The following CHN1 variants were observed in gnomAD, a reference collection of about 807,000 sequenced individuals.
The protein encoded by CHN1 is N-chimaerin.
CHN1 carries 37 observed loss-of-function variants against 59.5 expected under a neutral mutation model. The observed-to-expected ratio is 0.62, with a 90% CI of 0.48 to 0.82. The LOEUF (loss-of-function observed/expected upper bound fraction) is 0.82, where lower values mean the gene tolerates loss of function less well. CHN1 is among the 40% of genes least tolerant of loss of function. The pLI is 0.00. For synonymous variants in CHN1, 206 were observed against 200.4 expected, an observed-to-expected ratio of 1.03 and a Z score of -0.24; for missense variants, 469 against 571.0, an observed-to-expected ratio of 0.82 and a Z score of 1.82.
intron 1 of CHN1, among the ~76,000 whole-genome samples, chr2:174,970,334 G>C (rs1022755764): frequency 2.6e-5 from 4 of 152,132 alleles, no homozygotes; most frequent in Non-Finnish European, 2.9e-5. Flanking sequence ...CACAAACTAT[G>C]ACTAATCAGA....
At chr2:174,957,535 T>G (rs1303599395) in intron 1 of CHN1, among the ~76,000 whole-genome samples, 1 of 151,766 alleles carries the variant, frequency 6.6e-6, no homozygotes, top group Non-Finnish European at 1.5e-5. Context: ...AGAAAAAATT[T>G]GCCTGTAAGC....
chr2:174,967,008 G>C lies in CHN1; in HGVS notation c.20-14806C>G, dbSNP rs986740397. ...CCAGAAAATAGAATGCGCAAAACTC[G>C]ATAACGACAATAAAGTAGATCCTTC... On this transcript the variant is annotated intron_variant, in intron 1 of 12. Coordinates refer to ENST00000409900, the MANE Select transcript of CHN1 (RefSeq NM_001822.7). Among the ~76,000 whole-genome samples the C allele has an allele frequency of 2.0e-5, 3 of 152,008 alleles. No individual in the cohort carries two copies. The East Asian group carries it at 5.8e-4, about 29-fold the overall frequency.
intron 1 of CHN1, among the ~76,000 whole-genome samples, chr2:174,952,759 C>T (rs982229866): frequency 6.6e-6 from 1 of 152,182 alleles, no homozygotes; most frequent in African/African-American, 2.4e-5. Flanking sequence ...ATGAGAAACA[C>T]TTCAATGGAA....
chr2:174,923,122 C>T (rs1027742905), intron 3 of CHN1, among the ~76,000 whole-genome samples: 31 of 151,926 alleles, frequency 2.0e-4, no homozygotes, highest in Admixed American at 1.6e-3. Context: ...TACCTAATAT[C>T]GCCTTTAACA....
At position 174,895,194 on chromosome 2, in the gene CHN1, G is replaced by GTA. The variant is rs1406449336; in HGVS notation, c.261-17067_261-17066insTA. On this transcript the variant is annotated intron_variant, in intron 5 of 12. Coordinates refer to ENST00000409900, the MANE Select transcript of CHN1 (RefSeq NM_001822.7). ...TATATAGGAGTATATATATGTGTGT[G>GTA]TGTGTATATATATATATATACACAC... Among the ~76,000 whole-genome samples the GTA allele has an allele frequency of 1.4e-3, 161 of 117,098 alleles. 1 individual carries two copies. Among genetic ancestry groups the GTA allele is most frequent in the Middle Eastern group, 4.4e-3 (1 of 226 alleles). The allele number at this position is 117,098 out of a possible 152,430, so 76.8% of individuals were successfully genotyped here. A position where few individuals can be genotyped will look rare whatever the true frequency, so the allele number is the denominator to read the frequency against.
At chr2:174,924,934 A>G (rs1459725433) in intron 3 of CHN1, among the ~76,000 whole-genome samples, 1 of 152,220 alleles carries the variant, frequency 6.6e-6, no homozygotes, top group African/African-American at 2.4e-5. Flanking sequence ...ACTTGTATTG[A>G]ATTACATGCT....
rs1684726923 is a variant in CHN1, at chr2:174,801,726, G to T, written c.1189C>A (p.Leu397Ile). 2 of 1,613,158 alleles carry T rather than the reference G, an allele frequency of 1.2e-6. No homozygotes were observed. The highest frequency in any genetic ancestry group is 1.7e-5 in the Admixed American group (1 of 59,996). ...PPAHCETLRY[L>I]MAHLKRVTLH... ...GCTTGCCTCTTTAGATGTGCCATGA[G>T]GTACCGGAGGGTTTCGCAGTGAGCA... is the stretch of plus-strand genomic sequence containing the variant. The change falls in exon 12 of 13, where the codon CTC becomes ATC. Residue 397 changes from leucine to isoleucine, a missense_variant. Leu to Ile is a conservative substitution (Grantham distance 5, BLOSUM62 2). Around this residue, in one of 5 missense-constraint regions of CHN1, gnomAD observed 225 missense variants for 289.9 expected, o/e 0.78. Coordinates refer to ENST00000409900, the MANE Select transcript of CHN1 (RefSeq NM_001822.7).
intron 8 of CHN1, among the ~76,000 whole-genome samples, chr2:174,815,408 TTC>T (rs1214692256): frequency 1.3e-5 from 2 of 152,252 alleles, no homozygotes; most frequent in African/African-American, 4.8e-5. Context: ...AATACATATT[TTC>T]TCTTTGTTGT....
intron 1 of CHN1, among the ~76,000 whole-genome samples, chr2:174,981,813 T>C (rs997995254): frequency 8.5e-5 from 13 of 152,320 alleles, no homozygotes; most frequent in South Asian, 2.1e-4. Flanking sequence ...TTTATTATTA[T>C]ACTTTAAGTT....
At chr2:174,871,785 C>A (rs1337376042) in intron 6 of CHN1, among the ~76,000 whole-genome samples, 1 of 152,140 alleles carries the variant, frequency 6.6e-6, no homozygotes, top group African/African-American at 2.4e-5. Flanking sequence ...AATAATGAAA[C>A]ATTAAAATGT....
chr2:174,920,706 C>T (rs893374196), intron 3 of CHN1, among the ~76,000 whole-genome samples: 4 of 152,308 alleles, frequency 2.6e-5, no homozygotes, highest in South Asian at 2.1e-4. Context: ...TCATCTATAG[C>T]GGTGATCCCC....
In CHN1 at chr2:174,909,123, C is replaced by T. The variant is rs563889063; in HGVS notation, c.260+5935G>A. On this transcript the variant is annotated intron_variant, in intron 5 of 12. Coordinates refer to ENST00000409900, the MANE Select transcript of CHN1 (RefSeq NM_001822.7). ...TTTACTAAAGCTAAAATTAGACATA[C>T]AACTTTAGTAAGAGATTGACCAGAG... Among the ~76,000 whole-genome samples, 10 of 152,282 alleles carry T rather than the reference C, an allele frequency of 6.6e-5. No individual in the cohort carries two copies. The East Asian group carries it at 1.7e-3, about 26-fold the overall frequency.
intron 5 of CHN1, among the ~76,000 whole-genome samples, chr2:174,908,726 A>G (rs556010753): frequency 6.6e-6 from 1 of 152,310 alleles, no homozygotes; most frequent in Admixed American, 6.5e-5. Flanking sequence ...GAAGCTCAAT[A>G]AATGCTGCTC....
chr2:174,960,681 G>C (rs1038855345), intron 1 of CHN1, among the ~76,000 whole-genome samples: 28 of 152,046 alleles, frequency 1.8e-4, no homozygotes, highest in African/African-American at 6.8e-4. Flanking sequence ...AATCAGCCAG[G>C]CGTGGTGGTG....
At chr2:174,820,653 C>A (rs1418440280) in intron 8 of CHN1, among the ~76,000 whole-genome samples, 1 of 152,196 alleles carries the variant, frequency 6.6e-6, no homozygotes, top group Admixed American at 6.5e-5. Flanking sequence ...TAATGATTAG[C>A]ATTCTCAGGA....
At position 174,915,515 on chromosome 2, in the gene CHN1, A is replaced by AG. The variant is rs56092299; in HGVS notation, c.147-345_147-344insC. Reference sequence around the variant, plus strand: ...AACCATATGGCTTGCTAAAGAAAAGAAAAAAAAAAAAACGCAGAAAATGTA... The same window carrying AG: ...AACCATATGGCTTGCTAAAGAAAAGAGAAAAAAAAAAAACGCAGAAAATGTA... On this transcript the variant is annotated intron_variant, in intron 4 of 12. Transcript: ENST00000409900. 1.9e-3 allele frequency among the ~76,000 whole-genome samples: 84 copies of AG among 44,572 alleles called. No individual in the cohort carries two copies. The South Asian group carries it at 0.03, about 16-fold the overall frequency. 29.2% of individuals were successfully genotyped at this position (44,572 alleles called of 152,430 possible).
chr2:174,826,181 A>T (rs1011809074), intron 7 of CHN1, among the ~76,000 whole-genome samples: 2 of 152,200 alleles, frequency 1.3e-5, no homozygotes, highest in Non-Finnish European at 2.9e-5. Flanking sequence ...GAATGCAGGC[A>T]CGGTAGCCTC....
intron 7 of CHN1, among the ~76,000 whole-genome samples, chr2:174,832,564 C>T (rs909404645): frequency 1.3e-5 from 2 of 151,976 alleles, no homozygotes; most frequent in African/African-American, 4.8e-5. Context: ...TCTTCTTCAA[C>T]CCATGAGTTA....
At chr2:174,921,092 C>T in intron 3 of CHN1, 1 of 373,210 alleles carries the variant, frequency 2.7e-6, no homozygotes, top group South Asian at 2.0e-5. Flanking sequence ...TGGGGAGCGG[C>T]TGTAGTTGAA....
Sources: allele counts gnomAD v4.1 joint callset (sites outside exome capture counted in the v4.1 genomes callset), GRCh38; gene constraint gnomAD v4.1.1; regional missense constraint gnomAD v4.1.1; transcripts MANE v1.5; gene names NCBI Gene and HGNC (gene_info 2026-07-23, HGNC 2026-07-21).